Variants in ARHGAP24 observed in about 807,000 individuals in gnomAD.
The protein encoded by ARHGAP24 is Rho GTPase activating protein 24.
In ARHGAP24, 50 loss-of-function variants were observed where a neutral mutation model predicts 76.4. The ratio of observed to expected loss-of-function variants is 0.65; its 90% CI spans 0.52 to 0.83. The LOEUF (loss-of-function observed/expected upper bound fraction) is 0.83, where lower values mean the gene tolerates loss of function less well. Among genes scored for constraint, ARHGAP24 ranks in the 40% least tolerant of loss-of-function variants. The pLI, the probability that ARHGAP24 is intolerant of heterozygous loss-of-function variation, is 0.00. For synonymous variants in ARHGAP24, 345 were observed against 323.3 expected, an observed-to-expected ratio of 1.07 and a Z score of -0.72; for missense variants, 930 against 914.2, an observed-to-expected ratio of 1.02 and a Z score of -0.22.
intron 3 of ARHGAP24, among the ~76,000 whole-genome samples, chr4:85,784,925 A>G (rs909062123): frequency 2.0e-5 from 3 of 146,350 alleles, no homozygotes; most frequent in African/African-American, 7.8e-5. Flanking sequence ...CTATCTATCT[A>G]TCTATCTATC....
intron 3 of ARHGAP24, among the ~76,000 whole-genome samples, chr4:85,733,655 G>A (rs1383842553): frequency 6.6e-6 from 1 of 152,112 alleles, no homozygotes; most frequent in African/African-American, 2.4e-5. Flanking sequence ...CAAGATCAAG[G>A]TGTCAGCTGG....
chr4:85,815,984 G>T (rs1013368012), intron 3 of ARHGAP24, among the ~76,000 whole-genome samples: 1 of 152,138 alleles, frequency 6.6e-6, no homozygotes, highest in Admixed American at 6.5e-5. Flanking sequence ...AGTAAAACAG[G>T]TTTCCCCTTA....
intron 3 of ARHGAP24, among the ~76,000 whole-genome samples, chr4:85,804,791 A>G (rs1293887018): frequency 6.6e-6 from 1 of 152,196 alleles, no homozygotes; most frequent in Non-Finnish European, 1.5e-5. Flanking sequence ...TGAAGACATT[A>G]GCTGTACACT....
intron 4 of ARHGAP24, among the ~76,000 whole-genome samples, chr4:85,924,968 G>C (rs774019680): frequency 2.6e-5 from 4 of 152,148 alleles, no homozygotes. Flanking sequence ...CGGTGTTCTA[G>C]TTTGGATGAC....
chr4:85,654,504 A>G (rs1423689036), intron 2 of ARHGAP24, among the ~76,000 whole-genome samples: 1 of 152,188 alleles, frequency 6.6e-6, no homozygotes, highest in Non-Finnish European at 1.5e-5. Context: ...TACATATGAG[A>G]AATCCATGAC....
At chr4:85,970,237 G>C (rs2148849770) in intron 5 of ARHGAP24, among the ~76,000 whole-genome samples, 1 of 152,204 alleles carries the variant, frequency 6.6e-6, no homozygotes, top group Admixed American at 6.5e-5. Flanking sequence ...CCCACTTGAG[G>C]CTGTTTTTCT....
rs149796228 is a variant in ARHGAP24, at chr4:85,896,747, C to A, written c.269-26901C>A. ...AGCCCCCAATATTGCAATAGTCATT[C>A]TTTCTGTTTGGGGAGCCTCTGTTGA... On this transcript the variant is annotated intron_variant, in intron 3 of 9. Transcript: ENST00000395184. 2.6e-5 allele frequency among the ~76,000 whole-genome samples: 4 copies of A among 152,204 alleles called. No individual in the cohort carries two copies. The East Asian group carries it at 7.7e-4, about 29-fold the overall frequency.
chr4:85,615,354 A>T (rs959606835), intron 2 of ARHGAP24, among the ~76,000 whole-genome samples: 1 of 152,234 alleles, frequency 6.6e-6, no homozygotes, highest in South Asian at 2.1e-4. Context: ...AACCCCTCCT[A>T]AAACAACAAA....
At position 85,475,192 on chromosome 4, in the gene ARHGAP24, TCAAGTG is replaced by T. The variant is rs1331829765; in HGVS notation, c.-385_-380del. 1 of 152,486 alleles carries T rather than the reference TCAAGTG, an allele frequency of 6.6e-6. No homozygotes were observed. The highest frequency in any genetic ancestry group is 2.4e-5 in the African/African-American group (1 of 41,468). 9.4% of individuals were successfully genotyped at this position (152,486 alleles called of 1,614,324 possible). A position where few individuals can be genotyped will look rare whatever the true frequency, so the allele number is the denominator to read the frequency against. ...CTCTTTGCGCAACTGCTAGGATTTC[TCAAGTG>T]CATGTGGCAACACAGCCCAGCTCCG... On this transcript the variant is annotated 5_prime_UTR_variant, in exon 1 of 10. It adds an upstream start codon to the 5' untranslated region. Transcript: ENST00000395184.
chr4:85,628,122 C>G (rs140719354), intron 2 of ARHGAP24, among the ~76,000 whole-genome samples: 1 of 152,126 alleles, frequency 6.6e-6, no homozygotes, highest in Non-Finnish European at 1.5e-5. Flanking sequence ...GAGATGAACC[C>G]GGTACCTCAA....
At chr4:85,766,193 T>C (rs139582563) in intron 3 of ARHGAP24, among the ~76,000 whole-genome samples, 20 of 152,134 alleles carry the variant, frequency 1.3e-4, no homozygotes, top group African/African-American at 4.1e-4. Context: ...CATTCTTCTC[T>C]ATATAGATGA....
At chr4:85,710,859 G>A (rs978230618) in intron 2 of ARHGAP24, among the ~76,000 whole-genome samples, 5 of 152,002 alleles carry the variant, frequency 3.3e-5, no homozygotes, top group Non-Finnish European at 7.4e-5. Flanking sequence ...TACACTCTTG[G>A]TGGGACAGAA....
intron 2 of ARHGAP24, among the ~76,000 whole-genome samples, chr4:85,698,820 A>T (rs1723964940): frequency 6.6e-6 from 1 of 152,180 alleles, no homozygotes; most frequent in Admixed American, 6.5e-5. Context: ...GTTAAGTTGT[A>T]ACCCCAATGC....
chr4:85,572,338 ACATAGAGGGC>A (rs1389880370), intron 2 of ARHGAP24, among the ~76,000 whole-genome samples: 1 of 152,168 alleles, frequency 6.6e-6, no homozygotes, highest in Non-Finnish European at 1.5e-5. Context: ...GTGAAAAAAT[ACATAGAGGGC>A]CATATCCCAG....
intron 3 of ARHGAP24, among the ~76,000 whole-genome samples, chr4:85,725,097 T>C (rs1725118538): frequency 6.6e-6 from 1 of 152,160 alleles, no homozygotes; most frequent in Non-Finnish European, 1.5e-5. Flanking sequence ...AGAGTAGTTA[T>C]TGGAATAATG....
At chr4:85,731,943 C>T (rs1419963972) in intron 3 of ARHGAP24, among the ~76,000 whole-genome samples, 1 of 152,018 alleles carries the variant, frequency 6.6e-6, no homozygotes, top group African/African-American at 2.4e-5. Flanking sequence ...ATTAATACAC[C>T]AATAGTGTCT....
chr4:85,682,017 T>C (rs1315921245), intron 2 of ARHGAP24, among the ~76,000 whole-genome samples: 4 of 137,056 alleles, frequency 2.9e-5, no homozygotes. Flanking sequence ...TTAAGACACT[T>C]GCCCGAGATC....
chr4:85,630,417 A>T (rs1251646590), intron 2 of ARHGAP24, among the ~76,000 whole-genome samples: 1 of 152,158 alleles, frequency 6.6e-6, no homozygotes, highest in Non-Finnish European at 1.5e-5. Context: ...GTGATTATTC[A>T]TGATCCTTGT....
chr4:85,997,554 T>G (rs2148873899), intron 9 of ARHGAP24, among the ~76,000 whole-genome samples: 1 of 152,324 alleles, frequency 6.6e-6, no homozygotes, highest in Admixed American at 6.5e-5. Context: ...GATAATATTT[T>G]ACTTTAATTA....
Sources: gnomAD v4.1 joint callset for allele counts (sites outside exome capture counted in the v4.1 genomes callset) on GRCh38, gnomAD v4.1.1 for gene constraint, MANE v1.5 for transcripts, NCBI Gene and HGNC (gene_info 2026-07-23, HGNC 2026-07-21) for gene names.